Variants in PCCA observed in about 807,000 individuals in gnomAD.
PCCA encodes the protein propionyl-CoA carboxylase alpha chain, mitochondrial.
Under a neutral mutation model 101.3 loss-of-function variants are expected in PCCA, and 74 were observed. The ratio of observed to expected loss-of-function variants is 0.73; its 90% CI spans 0.61 to 0.89. The LOEUF (loss-of-function observed/expected upper bound fraction) is 0.89. PCCA is among the 40% of genes least tolerant of loss of function. The pLI is 0.00. For missense variants in PCCA, 891 were observed against 907.0 expected (o/e 0.98, Z 0.23); for synonymous variants, 294 against 313.6 (o/e 0.94, Z 0.66).
intron 11 of PCCA, among the ~76,000 whole-genome samples, chr13:100,271,006 C>G (rs980263706): frequency 3.3e-5 from 5 of 151,972 alleles, no homozygotes; most frequent in African/African-American, 1.2e-4. Flanking sequence ...AGACCCTGTT[C>G]TCCCCCACCC....
At chr13:100,274,074 A>G (rs993548823) in intron 12 of PCCA, among the ~76,000 whole-genome samples, 6 of 152,194 alleles carry the variant, frequency 3.9e-5, no homozygotes, top group Non-Finnish European at 8.8e-5. Context: ...CTCTTTTTAC[A>G]CTAGCCTCAT....
chr13:100,369,658 C>T (rs1329118082), intron 19 of PCCA, among the ~76,000 whole-genome samples: 1 of 152,114 alleles, frequency 6.6e-6, no homozygotes, highest in Non-Finnish European at 1.5e-5. Context: ...ACTGTATACG[C>T]CAAAATTGCT....
At chr13:100,440,089 A>ATC (rs1566307474) in intron 20 of PCCA, among the ~76,000 whole-genome samples, 2 of 147,984 alleles carry the variant, frequency 1.4e-5, no homozygotes, top group African/African-American at 4.9e-5. Context: ...TGTCACATGA[A>ATC]TCTCATGTTA....
intron 4 of PCCA, among the ~76,000 whole-genome samples, chr13:100,134,321 T>G (rs1437036892): frequency 6.6e-6 from 1 of 152,204 alleles, no homozygotes; most frequent in Non-Finnish European, 1.5e-5. Context: ...TCCTCTACCT[T>G]TCTTTTTCTC....
intron 1 of PCCA, among the ~76,000 whole-genome samples, chr13:100,097,581 T>C (rs1298230935): frequency 1.3e-5 from 2 of 151,932 alleles, no homozygotes; most frequent in East Asian, 1.9e-4. Flanking sequence ...TAGCCAGGCA[T>C]GGTGGCACAT....
chr13:100,153,238 C>T (rs963438753), intron 4 of PCCA, among the ~76,000 whole-genome samples: 5 of 151,982 alleles, frequency 3.3e-5, no homozygotes, highest in African/African-American at 4.8e-5. Flanking sequence ...GAATTTAAGG[C>T]GTAACCTTAT....
At chr13:100,460,782 C>T (rs914506549) in intron 21 of PCCA, among the ~76,000 whole-genome samples, 1 of 152,126 alleles carries the variant, frequency 6.6e-6, no homozygotes, top group African/African-American at 2.4e-5. Context: ...GAAGTAACAG[C>T]GATTAATGAC....
chr13:100,380,500 A>G (rs1018143157), intron 19 of PCCA, among the ~76,000 whole-genome samples: 3 of 152,250 alleles, frequency 2.0e-5, no homozygotes, highest in Admixed American at 6.5e-5. Context: ...AAATCAACAG[A>G]ATAGAATTGA....
At chr13:100,141,153 T>C (rs1018498327) in intron 4 of PCCA, among the ~76,000 whole-genome samples, 1 of 152,162 alleles carries the variant, frequency 6.6e-6, no homozygotes, top group Non-Finnish European at 1.5e-5. Context: ...ACCGTGACAT[T>C]CAAGATCCAT....
At chr13:100,339,332 T>C (rs1354082504) in intron 17 of PCCA, among the ~76,000 whole-genome samples, 2 of 152,350 alleles carry the variant, frequency 1.3e-5, no homozygotes, top group Admixed American at 6.5e-5. Context: ...TAGCACCTTA[T>C]GGCTGACGAG....
chr13:100,253,631 C>T (rs1209971708), intron 8 of PCCA, among the ~76,000 whole-genome samples: 1 of 152,106 alleles, frequency 6.6e-6, no homozygotes, highest in Non-Finnish European at 1.5e-5. Context: ...GTATTTTCTT[C>T]GTATATTTTG....
At chr13:100,291,830 C>T (rs184671773) in intron 12 of PCCA, among the ~76,000 whole-genome samples, 2 of 152,200 alleles carry the variant, frequency 1.3e-5, no homozygotes, top group African/African-American at 4.8e-5. Context: ...TTGACTTTTC[C>T]CCTGAGGTCC....
intron 4 of PCCA, among the ~76,000 whole-genome samples, chr13:100,148,606 A>G (rs1288525467): frequency 2.0e-5 from 3 of 152,244 alleles, no homozygotes; most frequent in East Asian, 3.9e-4. Context: ...ATGAGAAGAT[A>G]GTTCTCCTCC....
At chr13:100,519,099 G>C (rs2087043423) in intron 22 of PCCA, among the ~76,000 whole-genome samples, 1 of 152,150 alleles carries the variant, frequency 6.6e-6, no homozygotes, top group South Asian at 2.1e-4. Context: ...CACCCAAGGA[G>C]GCATTTTAAT....
At chr13:100,111,910 T>C (rs1594143456) in intron 3 of PCCA, 22 bp downstream of exon 3, 2 of 1,603,740 alleles carry the variant, frequency 1.2e-6, no homozygotes, top group Non-Finnish European at 8.5e-7. Context: ...TTTCGTCTTA[T>C]TTTCCATTTT....
chr13:100,374,146 G>A (rs2075754529), intron 19 of PCCA, among the ~76,000 whole-genome samples: 1 of 151,774 alleles, frequency 6.6e-6, no homozygotes, highest in Non-Finnish European at 1.5e-5. Flanking sequence ...AATAAAAAAG[G>A]AGGTATGAAA....
At chr13:100,341,957 G>GTGTATATATATATATATATATATATATA (rs371378776) in intron 18 of PCCA, among the ~76,000 whole-genome samples, 1 of 107,170 alleles carries the variant, frequency 9.3e-6, no homozygotes, top group African/African-American at 4.3e-5. Context: ...ACCCTTCAAA[G>GTGTATATATATATATATATATATATATA]TATATATATA....
At chr13:100,490,339 A>G (rs189319442) in intron 21 of PCCA, 1 of 152,320 alleles carries the variant, frequency 6.6e-6, no homozygotes, top group East Asian at 1.9e-4. Context: ...CCTCATGAAA[A>G]TGGTCACCAT....
chr13:100,327,240 C>A (rs1357743204), intron 16 of PCCA, among the ~76,000 whole-genome samples: 1 of 152,172 alleles, frequency 6.6e-6, no homozygotes, highest in Non-Finnish European at 1.5e-5. Flanking sequence ...TACCCCTTTC[C>A]CAGTGTAACC....
Sources: allele counts gnomAD v4.1 joint callset (sites outside exome capture counted in the v4.1 genomes callset), GRCh38; gene constraint gnomAD v4.1.1; transcripts MANE v1.5; gene names NCBI Gene and HGNC (gene_info 2026-07-23, HGNC 2026-07-21).